SGCZ: variants seen among roughly 807,000 people sequenced by gnomAD.
SGCZ encodes zeta-sarcoglycan.
In SGCZ, 40 loss-of-function variants were observed where a neutral mutation model predicts 41.3. That is an observed-to-expected ratio of 0.97 (90% CI 0.75 to 1.26). The LOEUF (loss-of-function observed/expected upper bound fraction) is 1.26. Ranked by LOEUF, SGCZ falls within the 50% of genes most tolerant of loss-of-function variation. SGCZ has a pLI of 0.00. For synonymous variants in SGCZ, 206 were observed against 137.5 expected (o/e 1.50, Z -3.49); for missense variants, 552 against 369.8 (o/e 1.49, Z -4.04).
At chr8:14,468,934 C>T (rs1801130594) in intron 2 of SGCZ, among the ~76,000 whole-genome samples, 1 of 152,078 alleles carries the variant, frequency 6.6e-6, no homozygotes, top group Admixed American at 6.6e-5. Flanking sequence ...ACTAACTTTA[C>T]ATACATTCCA....
At chr8:14,998,158 T>G (rs565326490) in intron 1 of SGCZ, among the ~76,000 whole-genome samples, 21 of 152,280 alleles carry the variant, frequency 1.4e-4, no homozygotes, top group African/African-American at 5.1e-4. Flanking sequence ...TCATCAATAC[T>G]TAAAAGCCCA....
intron 1 of SGCZ, among the ~76,000 whole-genome samples, chr8:14,769,547 T>G (rs1202098774): frequency 6.6e-6 from 1 of 151,990 alleles, no homozygotes; most frequent in Non-Finnish European, 1.5e-5. Context: ...ATCCCAGCAC[T>G]TTGGGAAGCT....
intron 1 of SGCZ, among the ~76,000 whole-genome samples, chr8:15,003,888 G>A (rs1403155942): frequency 6.6e-6 from 1 of 152,024 alleles, no homozygotes; most frequent in African/African-American, 2.4e-5. Flanking sequence ...AACCCTACCG[G>A]GGTCAAGTCC....
intron 1 of SGCZ, among the ~76,000 whole-genome samples, chr8:14,842,850 C>T (rs923048734): frequency 6.6e-6 from 1 of 152,158 alleles, no homozygotes; most frequent in Admixed American, 6.5e-5. Context: ...AAACGGGATG[C>T]TCCAGGGGAG....
chr8:14,293,855 A>G (rs1039487658), intron 3 of SGCZ, among the ~76,000 whole-genome samples: 2 of 151,996 alleles, frequency 1.3e-5, no homozygotes, highest in Middle Eastern at 6.8e-3. Flanking sequence ...AAGTAGTAGA[A>G]TTAAGTGCAA....
chr8:14,944,360 G>C (rs1800373651), intron 1 of SGCZ, among the ~76,000 whole-genome samples: 1 of 152,164 alleles, frequency 6.6e-6, no homozygotes, highest in African/African-American at 2.4e-5. Context: ...TCCTGAATTG[G>C]TGACCACATT....
intron 1 of SGCZ, among the ~76,000 whole-genome samples, chr8:14,850,670 C>G (rs1803282438): frequency 6.6e-6 from 1 of 152,108 alleles, no homozygotes. Context: ...TGTACCCACC[C>G]AAATCTCATC....
At chr8:14,905,005 A>G (rs1457980587) in intron 1 of SGCZ, among the ~76,000 whole-genome samples, 1 of 152,006 alleles carries the variant, frequency 6.6e-6, no homozygotes, top group African/African-American at 2.4e-5. Flanking sequence ...ACAAAAATTA[A>G]ATCATAAAAC....
intron 1 of SGCZ, among the ~76,000 whole-genome samples, chr8:14,622,084 T>A (rs930675602): frequency 6.6e-6 from 1 of 152,028 alleles, no homozygotes; most frequent in African/African-American, 2.4e-5. Flanking sequence ...GATAAGTTTG[T>A]ATAGGTAGAA....
At chr8:14,876,102 G>C (rs934158226) in intron 1 of SGCZ, among the ~76,000 whole-genome samples, 1 of 152,112 alleles carries the variant, frequency 6.6e-6, no homozygotes, top group African/African-American at 2.4e-5. Context: ...GTAGCCAAAA[G>C]CTTGCATCAG....
intron 1 of SGCZ, among the ~76,000 whole-genome samples, chr8:14,809,247 T>TA (rs1460280958): frequency 1.3e-5 from 2 of 151,116 alleles, no homozygotes; most frequent in Non-Finnish European, 3.0e-5. Flanking sequence ...AGAAGAAAAA[T>TA]AAAAAAATAA....
intron 1 of SGCZ, among the ~76,000 whole-genome samples, chr8:14,591,464 C>T (rs1413932458): frequency 6.6e-6 from 1 of 151,764 alleles, no homozygotes; most frequent in Non-Finnish European, 1.5e-5. Context: ...TGAAAAGGTA[C>T]AAAAAATATT....
intron 5 of SGCZ, among the ~76,000 whole-genome samples, chr8:14,137,644 G>T (rs1585168749): frequency 6.6e-6 from 1 of 152,150 alleles, no homozygotes; most frequent in African/African-American, 2.4e-5. Context: ...AGAGTAAAAA[G>T]AAATGAACAA....
intron 2 of SGCZ, among the ~76,000 whole-genome samples, chr8:14,325,664 T>C (rs1802069568): frequency 7.0e-6 from 1 of 142,814 alleles, no homozygotes; most frequent in Admixed American, 7.1e-5. Context: ...TATATAATCA[T>C]ATTTTAATTA....
At chr8:14,233,700 T>A (rs1449302459) in intron 4 of SGCZ, among the ~76,000 whole-genome samples, 1 of 150,618 alleles carries the variant, frequency 6.6e-6, no homozygotes, top group African/African-American at 2.4e-5. Flanking sequence ...TGATAGAAAG[T>A]CATGGAAAAT....
At position 14,086,781 on chromosome 8, in the gene SGCZ, T is replaced by A. The variant is rs1380740792; in HGVS notation, c.*3662A>T. On this transcript the variant is annotated 3_prime_UTR_variant, in exon 8 of 8. Transcript: ENST00000382080. ...TAGGAAGTAGCGTGCCAAAAAGGTT[T>A]GTATTTCAACTTTTATAAGCAGCTT... Among the ~76,000 whole-genome samples, 1 of 151,712 alleles carries A rather than the reference T, an allele frequency of 6.6e-6. No homozygotes were observed. Among genetic ancestry groups the A allele is most frequent in the Non-Finnish European group, 1.5e-5 (1 of 67,760 alleles).
intron 1 of SGCZ, among the ~76,000 whole-genome samples, chr8:15,083,714 A>C (rs1805843107): frequency 6.6e-6 from 1 of 151,838 alleles, no homozygotes; most frequent in African/African-American, 2.4e-5. Flanking sequence ...ATGTCCAGCT[A>C]ATTGTTTTGG....
At chr8:14,783,363 G>A (rs1800649020) in intron 1 of SGCZ, among the ~76,000 whole-genome samples, 1 of 151,806 alleles carries the variant, frequency 6.6e-6, no homozygotes, top group Non-Finnish European at 1.5e-5. Flanking sequence ...GAACCCGGTA[G>A]GTGGAAGTTG....
intron 1 of SGCZ, among the ~76,000 whole-genome samples, chr8:14,841,185 G>A (rs1009657799): frequency 6.6e-6 from 1 of 151,804 alleles, no homozygotes; most frequent in African/African-American, 2.4e-5. Flanking sequence ...AAACCCAAAA[G>A]ATGTTAAAAA....
Sources: allele counts gnomAD v4.1 joint callset (sites outside exome capture counted in the v4.1 genomes callset), GRCh38; gene constraint gnomAD v4.1.1; transcripts MANE v1.5; gene names NCBI Gene and HGNC (gene_info 2026-07-23, HGNC 2026-07-21).